ZNF564: variants seen among roughly 807,000 people sequenced by gnomAD.
ZNF564 encodes the protein zinc finger protein 564.
In ZNF564, 5 loss-of-function variants were observed where a neutral mutation model predicts 10.5. The observed-to-expected ratio is 0.48, with a 90% CI of 0.25 to 1.00. ZNF564 has a LOEUF of 1.00. ZNF564 is among the 50% of genes least tolerant of loss of function. The pLI is 0.16. For missense variants in ZNF564, 603 were observed against 669.7 expected (o/e 0.90, Z 1.10); for synonymous variants, 242 against 218.1 (o/e 1.11, Z -0.97).
At chr19:12,530,742 C>T (rs151028026) in intron 1 of ZNF564, among the ~76,000 whole-genome samples, 5 of 152,208 alleles carry the variant, frequency 3.3e-5, no homozygotes, top group African/African-American at 1.2e-4. Context: ...AATGTCAAGG[C>T]AAAATAAAAT....
intron 1 of ZNF564, among the ~76,000 whole-genome samples, chr19:12,539,779 T>G (rs2022002524): frequency 6.6e-6 from 1 of 151,802 alleles, no homozygotes; most frequent in South Asian, 2.1e-4. Context: ...ATAAAGACCA[T>G]CCTGGCTAAC....
rs201663247 is a variant in ZNF564 at position 12,526,518 on chromosome 19, A to G, written c.1590T>C (p.Asp530=). 25 of 1,611,760 alleles carry G rather than the reference A, an allele frequency of 1.6e-5. No homozygotes were observed. The highest frequency in any genetic ancestry group is 1.9e-5 in the Non-Finnish European group (22 of 1,179,436). The change falls in exon 4 of 4, where the codon GAT becomes GAC. Residue 530 remains aspartate (D), a synonymous_variant. Coordinates refer to ENST00000339282, the MANE Select transcript of ZNF564 (RefSeq NM_144976.4). ...FQRHERAHNG[D]KPYVKNVGKL... ...TTCCCACATTCTTTACGTAAGGTTT[A>G]TCTCCATTATGAGCTCTTTCATGTC...
chr19:12,536,357 T>G (rs2021913492), intron 1 of ZNF564, among the ~76,000 whole-genome samples: 2 of 152,130 alleles, frequency 1.3e-5, no homozygotes, highest in Admixed American at 1.3e-4. Context: ...TTGTATTTTT[T>G]GTAGAGACGG....
In ZNF564 at chr19:12,548,949, G is replaced by C. The variant is rs1381989610; in HGVS notation, c.3+2381C>G. On this transcript the variant is annotated intron_variant, in intron 1 of 3. Transcript: ENST00000339282. ...TCGTTTCTCTGTAGCCATAATGGAA[G>C]ACTGAATTTCCCTACTTATCTGAGA... 7 of 691,860 alleles carry C rather than the reference G, an allele frequency of 1.0e-5. No individual in the cohort carries two copies. In the East Asian group the frequency reaches 1.6e-4, roughly 16 times the overall value. 42.9% of individuals were successfully genotyped at this position (691,860 alleles called of 1,614,324 possible). A position where few individuals can be genotyped will look rare whatever the true frequency, so the allele number is the denominator to read the frequency against.
intron 1 of ZNF564, among the ~76,000 whole-genome samples, chr19:12,536,228 G>C (rs1330276669): frequency 1.3e-5 from 2 of 152,094 alleles, no homozygotes; most frequent in African/African-American, 2.4e-5. Flanking sequence ...CCAGATTGGA[G>C]TGCAGTGGTA....
intron 1 of ZNF564, chr19:12,532,913 T>A (rs950306410): frequency 1.2e-4 from 18 of 152,120 alleles, no homozygotes; most frequent in African/African-American, 4.3e-4. Context: ...AATCTACTTG[T>A]ATAGTTGGAG....
At chr19:12,533,961 T>G (rs1325027906) in intron 1 of ZNF564, among the ~76,000 whole-genome samples, 3 of 148,778 alleles carry the variant, frequency 2.0e-5, no homozygotes, top group Non-Finnish European at 4.5e-5. Context: ...AAGAAATTAC[T>G]AAGATCAGAA....
chr19:12,550,528 T>C (rs571806006), intron 1 of ZNF564: 13 of 271,522 alleles, frequency 4.8e-5, no homozygotes, highest in South Asian at 8.0e-5. Context: ...TGGCGGCGCA[T>C]GCCTGTAATC....
chr19:12,540,068 T>C (rs988856372), intron 1 of ZNF564, among the ~76,000 whole-genome samples: 3 of 151,634 alleles, frequency 2.0e-5, no homozygotes, highest in African/African-American at 7.3e-5. Context: ...AAAAATGAAA[T>C]ATGTAACTGA....
intron 1 of ZNF564, chr19:12,550,682 A>G (rs1349087257): frequency 6.3e-6 from 1 of 159,018 alleles, no homozygotes; most frequent in African/African-American, 2.4e-5. Context: ...AACAAACAGA[A>G]AACAAATCCT....
chr19:12,547,550 A>G (rs1158418878), intron 1 of ZNF564, among the ~76,000 whole-genome samples: 2 of 152,202 alleles, frequency 1.3e-5, no homozygotes, highest in Non-Finnish European at 2.9e-5. Flanking sequence ...ACAATTAACT[A>G]TTACAACCTC....
chr19:12,551,360 C>T lies in ZNF564; in HGVS notation c.-28G>A, dbSNP rs765656284. On this transcript the variant is annotated 5_prime_UTR_variant, in exon 1 of 4. Transcript: ENST00000339282. ...CCTGGCTTCCAGGGTGTCCCGGGGT[C>T]CTGCCTACGGCTCTCTCCGGCCTGT... The T allele has an allele frequency of 1.3e-6, 2 of 1,599,410 alleles. No individual in the cohort carries two copies. Among genetic ancestry groups the T allele is most frequent in the East Asian group, 2.3e-5 (1 of 43,946 alleles).
At chr19:12,536,955 C>A (rs569633560) in intron 1 of ZNF564, among the ~76,000 whole-genome samples, 1 of 152,160 alleles carries the variant, frequency 6.6e-6, no homozygotes, top group Non-Finnish European at 1.5e-5. Flanking sequence ...GTACTTTTTA[C>A]CTGTCAATCT....
rs1390256577 is a variant in ZNF564 at position 12,527,137 on chromosome 19, A to G, written c.971T>C (p.Val324Ala). 6.2e-7 allele frequency: 1 copy of G among 1,614,034 alleles called. No homozygotes were observed. The highest frequency in any genetic ancestry group is 1.3e-5 in the African/African-American group (1 of 74,920). ...AGTATGAGTTCTTTCATGCTTTCGA[A>G]CATAACTGGGAAAAATAAAGGCTCT... ...CGRAFIFPSY[V>A]RKHERTHTGE... Residue 324 changes from valine (V) to alanine (A), a missense_variant, in exon 4 of 4, where the codon GTT becomes GCT. Val to Ala is a moderately conservative substitution (Grantham distance 64). Transcript: ENST00000339282.
At chr19:12,541,085 AAAAG>A (rs1355109720) in intron 1 of ZNF564, among the ~76,000 whole-genome samples, 3,163 of 147,988 alleles carry the variant, frequency 0.021, 74 homozygotes, top group African/African-American at 0.063. Flanking sequence ...AAAAAAAAAA[AAAAG>A]AAACACAAAA....
chr19:12,542,909 G>A (rs1227343541), intron 1 of ZNF564, among the ~76,000 whole-genome samples: 1 of 152,144 alleles, frequency 6.6e-6, no homozygotes, highest in African/African-American at 2.4e-5. Context: ...GGCTGAGGCA[G>A]GAGAATCAAT....
At position 12,527,717 on chromosome 19, in the gene ZNF564, A is replaced by G. The variant is rs1227015872; in HGVS notation, c.391T>C (p.Tyr131His). The change falls in exon 4 of 4, where the codon TAT becomes CAT. Residue 131 changes from tyrosine (Y) to histidine (H), a missense_variant. Physicochemically the swap from Tyr to His is moderately conservative, Grantham distance 83. Coordinates refer to ENST00000339282, the MANE Select transcript of ZNF564 (RefSeq NM_144976.4). ...HIRSHLGHKP[Y>H]DYQEYGEKPY... is the part of the protein sequence containing the mutation. The stretch of plus-strand genomic sequence containing the variant: ...TTCTCTCCATATTCCTGATAGTCAT[A>G]TGGTTTGTGTCCAAGGTGAGATCTG... 6.2e-7 allele frequency: 1 copy of G among 1,614,138 alleles called. No individual in the cohort carries two copies. The highest frequency in any genetic ancestry group is 1.1e-5 in the South Asian group (1 of 91,082).
In ZNF564 at chr19:12,526,354, G is replaced by C. The variant is rs768633078; in HGVS notation, c.*92C>G. On this transcript the variant is annotated 3_prime_UTR_variant, in exon 4 of 4. Coordinates refer to ENST00000339282, the MANE Select transcript of ZNF564 (RefSeq NM_144976.4). ...CCAAAAGTGAGAAACAGGAGAAAGGGGTGAGCTCCCAAACAAGTCTGAAAC... is the reference window on the plus strand; with the variant it reads ...CCAAAAGTGAGAAACAGGAGAAAGGCGTGAGCTCCCAAACAAGTCTGAAAC... 7.8e-7 allele frequency: 1 copy of C among 1,281,920 alleles called. No homozygotes were observed. Among genetic ancestry groups the C allele is most frequent in the African/African-American group, 1.5e-5 (1 of 67,002 alleles). 79.4% of individuals were successfully genotyped at this position (1,281,920 alleles called of 1,614,324 possible).
At chr19:12,530,402 A>ATCCC (rs1196282840) in intron 1 of ZNF564, among the ~76,000 whole-genome samples, 4 of 152,232 alleles carry the variant, frequency 2.6e-5, no homozygotes, top group Non-Finnish European at 5.9e-5. Flanking sequence ...ACCCAGCAAA[A>ATCCC]TCCCCAGTCA....
Sources: gnomAD v4.1 joint callset for allele counts (sites outside exome capture counted in the v4.1 genomes callset) on GRCh38, gnomAD v4.1.1 for gene constraint, MANE v1.5 for transcripts, NCBI Gene and HGNC (gene_info 2026-07-23, HGNC 2026-07-21) for gene names.